ADGRF1: variants seen among roughly 807,000 people sequenced by gnomAD.
ADGRF1 encodes the protein G protein-coupled receptor 110.
Under a neutral mutation model 87.2 loss-of-function variants are expected in ADGRF1, and 85 were observed. The observed-to-expected ratio is 0.97, with a 90% CI of 0.82 to 1.17. The LOEUF (loss-of-function observed/expected upper bound fraction) is 1.17, where lower values mean the gene tolerates loss of function less well. ADGRF1 is among the 50% of genes most tolerant of loss of function. The pLI, the probability that ADGRF1 is intolerant of heterozygous loss-of-function variation, is 0.00. For missense variants in ADGRF1, 1,169 were observed against 1,077.2 expected (o/e 1.09, Z -1.19); for synonymous variants, 430 against 408.8 (o/e 1.05, Z -0.63).
intron 10 of ADGRF1, among the ~76,000 whole-genome samples, chr6:47,011,107 C>T (rs1208375531): frequency 1.3e-5 from 2 of 152,066 alleles, no homozygotes; most frequent in African/African-American, 2.4e-5. Flanking sequence ...TTTTCTTTTG[C>T]TTTGTGTTTG....
chr6:47,001,987 C>T (rs1779377057), intron 13 of ADGRF1: 1 of 173,564 alleles, frequency 5.8e-6, no homozygotes. Flanking sequence ...CATCTTAGCT[C>T]TCAAACCTAC....
chr6:47,013,537 C>G (rs1257167112), intron 9 of ADGRF1: 1 of 985,474 alleles, frequency 1.0e-6, no homozygotes. Flanking sequence ...GTGAACTGGT[C>G]TTGGGGTCCT....
chr6:47,024,300 T>A, intron 4 of ADGRF1, 83 bp from the exon 5 acceptor site: 1 of 999,168 alleles, frequency 1.0e-6, no homozygotes. Context: ...TTTATATATG[T>A]TTATTTTTCA....
intron 10 of ADGRF1, among the ~76,000 whole-genome samples, chr6:47,011,268 T>C (rs1779697848): frequency 6.6e-6 from 1 of 152,232 alleles, no homozygotes; most frequent in African/African-American, 2.4e-5. Flanking sequence ...TACTGATATT[T>C]AGTGTCACTT....
chr6:47,038,021 C>A (rs1257395394), intron 1 of ADGRF1, among the ~76,000 whole-genome samples: 1 of 152,034 alleles, frequency 6.6e-6, no homozygotes, highest in African/African-American at 2.4e-5. Flanking sequence ...CCACCATGCC[C>A]GGCTGATTTT....
At chr6:47,007,741 C>T (rs888347524) in intron 11 of ADGRF1, among the ~76,000 whole-genome samples, 2 of 152,180 alleles carry the variant, frequency 1.3e-5, no homozygotes, top group Non-Finnish European at 2.9e-5. Flanking sequence ...CAGTGCAGGT[C>T]TTGGGGAACC....
intron 8 of ADGRF1, 52 bp from the exon 9 acceptor site, chr6:47,014,896 C>T: frequency 1.9e-6 from 3 of 1,538,522 alleles, no homozygotes; most frequent in Non-Finnish European, 2.6e-6. Context: ...TATCCTGGCA[C>T]TCTATATAAA....
chr6:47,011,767 C>A (rs1195504289), intron 10 of ADGRF1, among the ~76,000 whole-genome samples: 1 of 152,178 alleles, frequency 6.6e-6, no homozygotes, highest in East Asian at 1.9e-4. Flanking sequence ...CAAAAGCTTA[C>A]CCCCTCCTCT....
intron 1 of ADGRF1, among the ~76,000 whole-genome samples, chr6:47,031,270 TTCTCTCTCTC>T (rs375425604): frequency 6.8e-6 from 1 of 146,012 alleles, no homozygotes; most frequent in South Asian, 2.2e-4. Context: ...TCTCTCTCTC[TTCTCTCTCTC>T]TCTCTCTCTC....
intron 7 of ADGRF1, chr6:47,018,413 A>C: frequency 2.3e-6 from 3 of 1,285,912 alleles, no homozygotes; most frequent in Non-Finnish European, 3.0e-6. Context: ...TTCTTACTAC[A>C]TTGAACTTCT....
Position 47,027,722 on chromosome 6 carries a change from T to A in ADGRF1, c.109A>T (p.Asn37Tyr). 4 of 1,604,872 alleles carry A rather than the reference T, an allele frequency of 2.5e-6. No homozygotes were observed. The highest frequency in any genetic ancestry group is 3.4e-6 in the Non-Finnish European group (4 of 1,171,784). ...GCCTCACCTAGATGTTTTTTCTTAT[T>A]CACAATGAGTTCTTTTTTTGTTTTG... is the stretch of plus-strand genomic sequence containing the variant. ...GIKTKKELIV[N>Y]KKKHLGPVEE... is the part of the protein sequence containing the mutation. The change falls in exon 3 of 15, where the codon AAT (asparagine) becomes TAT (tyrosine). Residue 37 changes from asparagine (N) to tyrosine (Y), a missense_variant. Physicochemically the swap from Asn to Tyr is moderately radical, Grantham distance 143. Transcript: ENST00000371253.
At chr6:47,013,564 A>G in intron 9 of ADGRF1, 1 of 985,426 alleles carries the variant, frequency 1.0e-6, no homozygotes, top group Non-Finnish European at 1.2e-6. Context: ...CTGTGACTTG[A>G]GTTCTTCTGA....
At chr6:47,005,334 G>A (rs1464931312) in intron 13 of ADGRF1, among the ~76,000 whole-genome samples, 1 of 151,974 alleles carries the variant, frequency 6.6e-6, no homozygotes, top group Non-Finnish European at 1.5e-5. Flanking sequence ...AGTGATAGCA[G>A]CCTAAAAAAA....
chr6:47,020,348 TA>T (rs1421320239), intron 7 of ADGRF1: 4 of 847,462 alleles, frequency 4.7e-6, no homozygotes, highest in African/African-American at 1.7e-5. Flanking sequence ...CAAAAAAAGT[TA>T]GCTGGATGTG....
intron 11 of ADGRF1, among the ~76,000 whole-genome samples, chr6:47,008,449 T>C (rs1333868370): frequency 1.3e-5 from 2 of 152,220 alleles, no homozygotes; most frequent in African/African-American, 4.8e-5. Context: ...AACTCTGCCA[T>C]TGCAGTGAAA....
intron 13 of ADGRF1, among the ~76,000 whole-genome samples, chr6:47,002,192 T>C (rs760593534): frequency 1.7e-4 from 26 of 152,200 alleles, no homozygotes; most frequent in Non-Finnish European, 3.2e-4. Context: ...TACCATCTCA[T>C]ATTGAATGCC....
chr6:47,040,071 G>T (rs1780693671), intron 1 of ADGRF1, among the ~76,000 whole-genome samples: 1 of 152,156 alleles, frequency 6.6e-6, no homozygotes. Flanking sequence ...ACTCTGCTAA[G>T]ACAAACACAA....
At chr6:47,010,397 T>C in intron 10 of ADGRF1, 79 bp from the exon 11 acceptor site, 1 of 1,188,550 alleles carries the variant, frequency 8.4e-7, no homozygotes, top group South Asian at 1.6e-5. Context: ...TCATTAGCAT[T>C]AAGAATAGGA....
At chr6:47,024,923 T>G (rs1780180755) in intron 4 of ADGRF1, among the ~76,000 whole-genome samples, 1 of 152,184 alleles carries the variant, frequency 6.6e-6, no homozygotes, top group African/African-American at 2.4e-5. Flanking sequence ...AAGAGGACAC[T>G]TGTAACAGGA....
Sources: gnomAD v4.1 joint callset for allele counts (sites outside exome capture counted in the v4.1 genomes callset) on GRCh38, gnomAD v4.1.1 for gene constraint, MANE v1.5 for transcripts, NCBI Gene and HGNC (gene_info 2026-07-23, HGNC 2026-07-21) for gene names.